CCDC88C: variants seen among roughly 807,000 people sequenced by gnomAD.
CCDC88C encodes protein Daple.
CCDC88C carries 131 observed loss-of-function variants against 198.8 expected under a neutral mutation model. The ratio of observed to expected loss-of-function variants is 0.66; its 90% CI spans 0.57 to 0.76. The LOEUF (loss-of-function observed/expected upper bound fraction) is 0.76. CCDC88C is among the 30% of genes least tolerant of loss of function. The pLI is 0.00. For missense variants in CCDC88C, 2,553 were observed against 2,631.6 expected, an observed-to-expected ratio of 0.97 and a Z score of 0.65; for synonymous variants, 1,166 against 1,114.7, an observed-to-expected ratio of 1.05 and a Z score of -0.92.
At chr14:91,390,756 C>A (rs1003189333) in intron 3 of CCDC88C, among the ~76,000 whole-genome samples, 33 of 152,164 alleles carry the variant, frequency 2.2e-4, no homozygotes, top group African/African-American at 7.2e-4. Flanking sequence ...AAAACCCAAA[C>A]AACAGATTCC....
chr14:91,273,057 G>T lies in CCDC88C; in HGVS notation c.5655C>A (p.Arg1885=). 1 of 1,557,142 alleles carries T rather than the reference G, an allele frequency of 6.4e-7. No individual in the cohort carries two copies. Reference sequence around the variant, plus strand: ...CCTCCTTTGGGGGAGCCAGGGAGAAGCGCCTCGTGTCCAGCGGCCGGCTGC... The same window carrying T: ...CCTCCTTTGGGGGAGCCAGGGAGAATCGCCTCGTGTCCAGCGGCCGGCTGC... ...GPRSRPLDTR[R]FSLAPPKEER... is the part of the protein sequence containing the mutation. Residue 1885 remains arginine, a synonymous_variant, in exon 30 of 30, where the codon CGC becomes CGA. Transcript: ENST00000389857. The surrounding 1 kb of genome is among the most constrained non-coding windows in gnomAD (Gnocchi z 5.6).
At chr14:91,342,336 A>G (rs1287885055) in intron 6 of CCDC88C, 44 bp downstream of exon 6, 4 of 1,234,606 alleles carry the variant, frequency 3.2e-6, no homozygotes, top group East Asian at 2.5e-5. Context: ...CCACCACAGG[A>G]GCAGCAGTCC....
intron 15 of CCDC88C, among the ~76,000 whole-genome samples, chr14:91,310,257 A>G (rs2139797243): frequency 6.6e-6 from 1 of 152,160 alleles, no homozygotes; most frequent in Non-Finnish European, 1.5e-5. Context: ...TGTATTTGAA[A>G]TGCCACTTAT....
At chr14:91,319,096 C>T (rs1034906038) in intron 13 of CCDC88C, among the ~76,000 whole-genome samples, 2 of 152,122 alleles carry the variant, frequency 1.3e-5, no homozygotes, top group African/African-American at 4.8e-5. Context: ...AGTCAGCCCG[C>T]AAGAACACTC....
intron 3 of CCDC88C, among the ~76,000 whole-genome samples, chr14:91,375,290 A>C (rs1360604287): frequency 6.6e-6 from 1 of 152,012 alleles, no homozygotes; most frequent in African/African-American, 2.4e-5. Context: ...CGCATGTGGG[A>C]GAGAGAGAGA....
chr14:91,353,073 G>A (rs1893887312), intron 4 of CCDC88C, among the ~76,000 whole-genome samples: 2 of 152,214 alleles, frequency 1.3e-5, no homozygotes, highest in Admixed American at 6.5e-5. Flanking sequence ...ACTGGCAGGA[G>A]AGCAAATCAA....
intron 4 of CCDC88C, among the ~76,000 whole-genome samples, chr14:91,358,872 G>T (rs1259019513): frequency 6.6e-6 from 1 of 152,176 alleles, no homozygotes; most frequent in African/African-American, 2.4e-5. Context: ...CCTGCCAGGA[G>T]AGCTGAGTCC....
rs200244690 is a variant in CCDC88C, at chr14:91,338,082, C to G, written c.973G>C (p.Val325Leu). 2.5e-6 allele frequency: 4 copies of G among 1,613,794 alleles called. No homozygotes were observed. The highest frequency in any genetic ancestry group is 1.7e-5 in the Admixed American group (1 of 60,014). ...LDSLREKANR[V>L]ERLELELTRC... is the part of the protein sequence containing the mutation. The stretch of plus-strand genomic sequence containing the variant: ...GTCAGCTCCAGCTCCAGCCTCTCCA[C>G]GCGGTTCGCCTTCTCCCGCAGGGAA... The change falls in exon 10 of 30, where the codon GTG becomes CTG. Residue 325 changes from valine (V) to leucine (L), a missense_variant. By Grantham distance (32) the Val-to-Leu change is conservative. Around this residue, in one of 2 missense-constraint regions of CCDC88C, gnomAD observed 1,260 missense variants for 1,412.0 expected, o/e 0.89. Coordinates refer to ENST00000389857, the MANE Select transcript of CCDC88C (RefSeq NM_001080414.4). This position sits in a 1 kb window ranked among gnomAD's most constrained non-coding sequence, Gnocchi z 4.8.
At chr14:91,347,171 C>A (rs1893581071) in intron 4 of CCDC88C, among the ~76,000 whole-genome samples, 1 of 152,314 alleles carries the variant, frequency 6.6e-6, no homozygotes, top group South Asian at 2.1e-4. Context: ...GGAGCTGAAA[C>A]ACTAAGAAAG....
At chr14:91,289,048 G>A in intron 25 of CCDC88C, 57 bp downstream of exon 25, 1 of 1,435,906 alleles carries the variant, frequency 7.0e-7, no homozygotes, top group South Asian at 1.2e-5. Flanking sequence ...CACCGGTGCG[G>A]GACCCTTCAG....
At chr14:91,365,150 C>G (rs1894475854) in intron 3 of CCDC88C, among the ~76,000 whole-genome samples, 1 of 146,284 alleles carries the variant, frequency 6.8e-6, no homozygotes, top group Non-Finnish European at 1.5e-5. Context: ...CCTAAGTGCT[C>G]TCCTCCTCTC....
In CCDC88C at chr14:91,307,958, A is replaced by C. The variant is rs184085456; in HGVS notation, c.3006+393T>G. ...GTGGCAAATACGTGTGCATGCATGC[A>C]CCCAGAAGTAGACATGTGCATGTCC... On this transcript the variant is annotated intron_variant, in intron 17 of 29. Transcript: ENST00000389857. Among the ~76,000 whole-genome samples the C allele has an allele frequency of 2.2e-4, 34 of 152,366 alleles. No homozygotes were observed. In the South Asian group the frequency reaches 3.1e-3, roughly 14 times the overall value.
intron 3 of CCDC88C, among the ~76,000 whole-genome samples, chr14:91,375,854 T>C (rs71415444): frequency 0.01 from 1,574 of 152,328 alleles, 6 homozygotes; most frequent in Middle Eastern, 0.02. Flanking sequence ...CCAGCAGGCA[T>C]GCATCTTCTT....
chr14:91,396,913 T>C (rs555516688), intron 3 of CCDC88C, among the ~76,000 whole-genome samples: 1 of 151,694 alleles, frequency 6.6e-6, no homozygotes, highest in East Asian at 1.9e-4. Flanking sequence ...GGCAGGAGGA[T>C]TGCTTGAGCC....
intron 3 of CCDC88C, among the ~76,000 whole-genome samples, chr14:91,387,991 C>T (rs945363451): frequency 2.6e-5 from 4 of 152,168 alleles, no homozygotes; most frequent in African/African-American, 9.7e-5. Context: ...GGGGTGGGGT[C>T]CAGACAATGC....
At chr14:91,318,575 G>A (rs1238462105) in intron 13 of CCDC88C, among the ~76,000 whole-genome samples, 1 of 152,182 alleles carries the variant, frequency 6.6e-6, no homozygotes, top group Non-Finnish European at 1.5e-5. Flanking sequence ...GAGCCTCGTA[G>A]AAGTCCCATG....
chr14:91,281,298 C>T (rs923019376), intron 27 of CCDC88C, 159 bp downstream of exon 27: 18 of 1,519,418 alleles, frequency 1.2e-5, no homozygotes, highest in African/African-American at 2.8e-5. Context: ...AGAAGCTACA[C>T]GCTCAGCCCC....
intron 24 of CCDC88C, 93 bp from the exon 25 acceptor site, chr14:91,289,436 C>T: frequency 8.9e-7 from 1 of 1,129,442 alleles, no homozygotes; most frequent in South Asian, 1.2e-5. Flanking sequence ...ATGTTCTTCC[C>T]CAGTCTGGGA....
chr14:91,417,593 G>A, intron 1 of CCDC88C, 38 bp downstream of exon 1: 1 of 1,561,974 alleles, frequency 6.4e-7, no homozygotes, highest in Non-Finnish European at 8.7e-7. Context: ...AGAGAAGCCG[G>A]TGCACCAACA....
Sources: allele counts gnomAD v4.1 joint callset (sites outside exome capture counted in the v4.1 genomes callset), GRCh38; gene constraint gnomAD v4.1.1; regional missense constraint gnomAD v4.1.1; non-coding constraint Gnocchi (gnomAD v3.1); transcripts MANE v1.5; gene names NCBI Gene and HGNC (gene_info 2026-07-23, HGNC 2026-07-21).